Variants in PKNOX2 observed in about 807,000 individuals in gnomAD.
PKNOX2 encodes the protein PBX/knotted 1 homeobox 2.
A neutral mutation model predicts 53.1 loss-of-function variants in PKNOX2; 14 were observed. The ratio of observed to expected loss-of-function variants is 0.26; its 90% CI spans 0.17 to 0.41. The LOEUF (loss-of-function observed/expected upper bound fraction) is 0.41, where lower values mean the gene tolerates loss of function less well. PKNOX2 is among the 10% of genes least tolerant of loss of function. The pLI is 1.00. For missense variants in PKNOX2, 496 were observed against 602.8 expected (o/e 0.82, Z 1.85); for synonymous variants, 257 against 242.8 (o/e 1.06, Z -0.54).
chr11:125,282,739 C>T (rs1319235639), intron 2 of PKNOX2, among the ~76,000 whole-genome samples: 2 of 152,198 alleles, frequency 1.3e-5, no homozygotes, highest in Non-Finnish European at 2.9e-5. Context: ...TCCAGTAAAA[C>T]GTTTTGCAAT....
chr11:125,310,434 G>T (rs1948731183), intron 2 of PKNOX2, among the ~76,000 whole-genome samples: 1 of 151,842 alleles, frequency 6.6e-6, no homozygotes, highest in African/African-American at 2.4e-5. Context: ...GGCGGAGGTT[G>T]CAGTGAGCCG....
intron 1 of PKNOX2, among the ~76,000 whole-genome samples, chr11:125,168,945 CTA>C (rs1223056682): frequency 6.6e-6 from 1 of 152,246 alleles, no homozygotes; most frequent in Non-Finnish European, 1.5e-5. Context: ...TTCTGAAATT[CTA>C]TCTCTAATCT....
At chr11:125,266,564 C>G (rs1945359144) in intron 2 of PKNOX2, 1 of 152,216 alleles carries the variant, frequency 6.6e-6, no homozygotes, top group African/African-American at 2.4e-5. Flanking sequence ...TAAAAGTAGG[C>G]TTCTGCAGTA....
At chr11:125,169,540 G>C (rs1011775029) in intron 1 of PKNOX2, among the ~76,000 whole-genome samples, 3 of 152,170 alleles carry the variant, frequency 2.0e-5, no homozygotes, top group African/African-American at 7.2e-5. Context: ...TAGTGGCCTG[G>C]TCTCTTTTGA....
At chr11:125,207,025 C>T (rs1223023341) in intron 1 of PKNOX2, among the ~76,000 whole-genome samples, 1 of 119,302 alleles carries the variant, frequency 8.4e-6, no homozygotes, top group Admixed American at 8.9e-5. Flanking sequence ...CTTCAGGTGG[C>T]GGGGGGTGAG....
At chr11:125,363,794 G>A (rs1416555738) in intron 4 of PKNOX2, among the ~76,000 whole-genome samples, 2 of 152,062 alleles carry the variant, frequency 1.3e-5, no homozygotes, top group African/African-American at 4.8e-5. Context: ...AAGCTACTTG[G>A]GGAAAAACTG....
intron 3 of PKNOX2, among the ~76,000 whole-genome samples, chr11:125,338,936 G>A (rs11828982): frequency 0.092 from 14,060 of 152,208 alleles, 2,142 homozygotes; most frequent in African/African-American, 0.32. Context: ...AATGGGTTGC[G>A]TTGCGCAAGT....
At chr11:125,284,970 G>C (rs753291408) in intron 2 of PKNOX2, among the ~76,000 whole-genome samples, 1 of 152,024 alleles carries the variant, frequency 6.6e-6, no homozygotes, top group African/African-American at 2.4e-5. Flanking sequence ...GACTGATTGA[G>C]TGGGAGGCTT....
At chr11:125,205,374 T>C (rs1227122593) in intron 1 of PKNOX2, among the ~76,000 whole-genome samples, 1 of 152,194 alleles carries the variant, frequency 6.6e-6, no homozygotes, top group Admixed American at 6.5e-5. Context: ...CCCACAACCA[T>C]GTTCTTCATG....
At chr11:125,306,676 G>A (rs886070130) in intron 2 of PKNOX2, among the ~76,000 whole-genome samples, 7 of 152,168 alleles carry the variant, frequency 4.6e-5, no homozygotes, top group East Asian at 1.9e-4. Flanking sequence ...ATGACTTGCC[G>A]AGTGTGCTGA....
Position 125,190,606 on chromosome 11 carries a change from G to A in PKNOX2, c.-201+25830G>A, listed in dbSNP as rs563486749. On this transcript the variant is annotated intron_variant, in intron 1 of 12. Coordinates refer to ENST00000298282, the MANE Select transcript of PKNOX2 (RefSeq NM_001382323.2). ...TCTCCCTCTTTTGGTTTCTCAGCAT[G>A]AAGTCTCATTTCCACTCTAATTGGT... Among the ~76,000 whole-genome samples the A allele has an allele frequency of 4.6e-5, 7 of 152,204 alleles. No homozygotes were observed. The East Asian group carries it at 1.4e-3, about 29-fold the overall frequency.
At position 125,295,298 on chromosome 11, in the gene PKNOX2, C is replaced by T. The variant is rs997216920; in HGVS notation, c.-129-36521C>T. Among the ~76,000 whole-genome samples the T allele has an allele frequency of 5.9e-5, 9 of 152,218 alleles. No individual in the cohort carries two copies. In the East Asian group the frequency reaches 1.7e-3, roughly 29 times the overall value. Reference sequence around the variant, plus strand: ...GCACAGCTTGAACATGAGATGACAGCTGGACGTCCAAAGAAAATGTCCAGA... The same window carrying T: ...GCACAGCTTGAACATGAGATGACAGTTGGACGTCCAAAGAAAATGTCCAGA... On this transcript the variant is annotated intron_variant, in intron 2 of 12. Coordinates refer to ENST00000298282, the MANE Select transcript of PKNOX2 (RefSeq NM_001382323.2).
chr11:125,194,400 G>A (rs981218868), intron 1 of PKNOX2, among the ~76,000 whole-genome samples: 3 of 152,176 alleles, frequency 2.0e-5, no homozygotes, highest in Non-Finnish European at 4.4e-5. Context: ...TGAGAACCTA[G>A]AAGATATTGA....
chr11:125,304,196 G>C (rs1948266008), intron 2 of PKNOX2, among the ~76,000 whole-genome samples: 2 of 152,218 alleles, frequency 1.3e-5, no homozygotes, highest in Non-Finnish European at 2.9e-5. Flanking sequence ...ACACCTAGAA[G>C]AGGTGATGTC....
intron 2 of PKNOX2, among the ~76,000 whole-genome samples, chr11:125,244,645 G>A (rs725925): frequency 0.22 from 33,253 of 152,208 alleles, 3,951 homozygotes; most frequent in East Asian, 0.47. Context: ...ACCTATTTGT[G>A]AGTGTTTTGC....
At chr11:125,248,313 G>T (rs1272333629) in intron 2 of PKNOX2, among the ~76,000 whole-genome samples, 1 of 152,136 alleles carries the variant, frequency 6.6e-6, no homozygotes, top group South Asian at 2.1e-4. Flanking sequence ...AGAAAAGCAG[G>T]TGTTAAATTC....
At chr11:125,232,051 T>C (rs1942250482) in intron 1 of PKNOX2, among the ~76,000 whole-genome samples, 1 of 152,230 alleles carries the variant, frequency 6.6e-6, no homozygotes, top group Non-Finnish European at 1.5e-5. Context: ...TGGATGGTTC[T>C]CATTGCCAGA....
intron 2 of PKNOX2, among the ~76,000 whole-genome samples, chr11:125,280,398 A>G (rs1164356288): frequency 6.6e-6 from 1 of 151,482 alleles, no homozygotes; most frequent in African/African-American, 2.4e-5. Context: ...AGGCTGGGGG[A>G]GATGGGAGCC....
At chr11:125,250,480 T>C (rs1943911907) in intron 2 of PKNOX2, among the ~76,000 whole-genome samples, 1 of 152,096 alleles carries the variant, frequency 6.6e-6, no homozygotes, top group Admixed American at 6.5e-5. Flanking sequence ...GCGCACAGCC[T>C]TTTAGAGACA....
Sources: allele counts gnomAD v4.1 joint callset (sites outside exome capture counted in the v4.1 genomes callset), GRCh38; gene constraint gnomAD v4.1.1; transcripts MANE v1.5; gene names NCBI Gene and HGNC (gene_info 2026-07-23, HGNC 2026-07-21).